The following WDPCP variants were observed in gnomAD, a reference collection of about 807,000 sequenced individuals.
The protein encoded by WDPCP is WD repeat-containing and planar cell polarity effector protein fritz homolog.
In WDPCP, 71 loss-of-function variants were observed where a neutral mutation model predicts 93.1. The ratio of observed to expected loss-of-function variants is 0.76; its 90% CI spans 0.63 to 0.93. The LOEUF is 0.93. WDPCP is among the 40% of genes least tolerant of loss of function. The pLI, the probability that WDPCP is intolerant of heterozygous loss-of-function variation, is 0.00. For missense variants in WDPCP, 844 were observed against 887.4 expected (o/e 0.95, Z 0.62); for synonymous variants, 315 against 315.0 (o/e 1.00, Z 0.00).
intron 1 of WDPCP, among the ~76,000 whole-genome samples, chr2:63,539,234 C>T (rs1704532442): frequency 6.6e-6 from 1 of 152,174 alleles, no homozygotes; most frequent in African/African-American, 2.4e-5. Context: ...TGAAAAACTG[C>T]ATTATCTCAT....
At chr2:63,368,062 A>C (rs1691056645) in intron 12 of WDPCP, among the ~76,000 whole-genome samples, 1 of 152,304 alleles carries the variant, frequency 6.6e-6, no homozygotes, top group South Asian at 2.1e-4. Flanking sequence ...TTTTCAATAA[A>C]ATGTAATGAG....
At chr2:63,721,744 A>T (rs1434406589) in intron 2 of WDPCP, among the ~76,000 whole-genome samples, 1 of 20,378 alleles carries the variant, frequency 4.9e-5, no homozygotes, top group Non-Finnish European at 9.3e-5. Flanking sequence ...CCCTCTCCCC[A>T]CGGTCTCCCT....
intron 7 of WDPCP, among the ~76,000 whole-genome samples, chr2:63,438,969 G>C (rs893582167): frequency 6.6e-6 from 1 of 151,968 alleles, no homozygotes; most frequent in Non-Finnish European, 1.5e-5. Flanking sequence ...AAGGAAAATG[G>C]GCTTCACAGC....
intron 12 of WDPCP, among the ~76,000 whole-genome samples, chr2:63,373,580 TAA>T (rs1273256109): frequency 7.4e-6 from 1 of 135,826 alleles, no homozygotes. Flanking sequence ...TAGATGTCTT[TAA>T]AAAAAAAAAA....
At chr2:63,292,937 T>C (rs1207487294) in intron 13 of WDPCP, among the ~76,000 whole-genome samples, 1 of 152,216 alleles carries the variant, frequency 6.6e-6, no homozygotes, top group African/African-American at 2.4e-5. Flanking sequence ...CCCAGCTGTA[T>C]GGTGGGCAAC....
chr2:63,824,065 T>A (rs1671073030), intron 1 of WDPCP, among the ~76,000 whole-genome samples: 1 of 152,096 alleles, frequency 6.6e-6, no homozygotes, highest in African/African-American at 2.4e-5. Flanking sequence ...ATCCCCTTAA[T>A]TCTCACATGT....
chr2:63,710,478 G>A (rs1669245637), intron 2 of WDPCP, among the ~76,000 whole-genome samples: 1 of 152,180 alleles, frequency 6.6e-6, no homozygotes, highest in Non-Finnish European at 1.5e-5. Flanking sequence ...CTCGGGCCTT[G>A]TAAACAGTGC....
At chr2:63,289,516 T>G (rs955002723) in intron 13 of WDPCP, among the ~76,000 whole-genome samples, 26 of 152,194 alleles carry the variant, frequency 1.7e-4, no homozygotes, top group African/African-American at 5.1e-4. Flanking sequence ...GTAATTGACT[T>G]GTAATTTAAT....
the WDPCP span, among the ~76,000 whole-genome samples, chr2:63,839,297 C>G: frequency 1.4e-4 from 22 of 152,284 alleles, no homozygotes; most frequent in East Asian, 4.2e-3. Flanking sequence ...CGGTGGCTCA[C>G]GCCTGTAATC....
At chr2:63,283,271 G>A (rs1014157245) in intron 13 of WDPCP, among the ~76,000 whole-genome samples, 7 of 152,132 alleles carry the variant, frequency 4.6e-5, no homozygotes, top group African/African-American at 1.4e-4. Flanking sequence ...TCAAAGGCCT[G>A]GGCTCAAGCA....
chr2:63,188,573 A>G (rs558129431), intron 14 of WDPCP, among the ~76,000 whole-genome samples: 36 of 151,922 alleles, frequency 2.4e-4, no homozygotes, highest in African/African-American at 8.4e-4. Flanking sequence ...AGCTCAAGCA[A>G]TCCTCCCTTC....
rs551705114 is a variant in WDPCP, at chr2:63,533,772, C to T, written c.76-40832G>A. Among the ~76,000 whole-genome samples, 7 of 152,044 alleles carry T rather than the reference C, an allele frequency of 4.6e-5. No homozygotes were observed. The South Asian group carries it at 8.3e-4, about 18-fold the overall frequency. ...AGAGAAAGCAGCAGAGATCTAAAAT[C>T]GACACCCTAACATCACATTTAAAAG... On this transcript the variant is annotated intron_variant, in intron 1 of 17. Coordinates refer to ENST00000272321, the MANE Select transcript of WDPCP (RefSeq NM_015910.7).
intron 14 of WDPCP, among the ~76,000 whole-genome samples, chr2:63,216,867 T>C (rs1677399092): frequency 6.6e-6 from 1 of 152,180 alleles, no homozygotes; most frequent in Non-Finnish European, 1.5e-5. Flanking sequence ...TACTAAGGAC[T>C]ACTATAATGA....
At chr2:63,453,185 AT>A (rs1269827011) in intron 6 of WDPCP, among the ~76,000 whole-genome samples, 2 of 152,220 alleles carry the variant, frequency 1.3e-5, no homozygotes, top group African/African-American at 4.8e-5. Flanking sequence ...AATTTTTGCA[AT>A]CTACTCATAT....
chr2:63,609,093 G>A (rs551250205), intron 3 of WDPCP, among the ~76,000 whole-genome samples: 7 of 152,154 alleles, frequency 4.6e-5, no homozygotes, highest in South Asian at 2.1e-4. Flanking sequence ...TGGGCCAGGC[G>A]CGGTGGCTCA....
chr2:63,172,133 A>G (rs192279527), intron 15 of WDPCP, among the ~76,000 whole-genome samples: 12 of 152,298 alleles, frequency 7.9e-5, no homozygotes, highest in Admixed American at 7.8e-4. Context: ...AGCTTTATAA[A>G]TTTACCAAAT....
chr2:63,576,720 C>T (rs1708141393), intron 1 of WDPCP, among the ~76,000 whole-genome samples: 1 of 152,180 alleles, frequency 6.6e-6, no homozygotes, highest in South Asian at 2.1e-4. Context: ...AACCAGCCCC[C>T]CAATCCTGAG....
At chr2:63,266,366 A>G (rs1335020358) in intron 13 of WDPCP, among the ~76,000 whole-genome samples, 2 of 152,210 alleles carry the variant, frequency 1.3e-5, no homozygotes, top group Non-Finnish European at 2.9e-5. Flanking sequence ...ACAAAAACTT[A>G]TCCAAAAAAA....
At chr2:63,728,181 ATTGT>A (rs1171101768) in intron 2 of WDPCP, among the ~76,000 whole-genome samples, 2 of 152,244 alleles carry the variant, frequency 1.3e-5, no homozygotes, top group African/African-American at 4.8e-5. Flanking sequence ...TTAGAGGAAG[ATTGT>A]TTAATACAAG....
Sources: gnomAD v4.1 joint callset for allele counts (sites outside exome capture counted in the v4.1 genomes callset) on GRCh38, gnomAD v4.1.1 for gene constraint, MANE v1.5 for transcripts, NCBI Gene and HGNC (gene_info 2026-07-23, HGNC 2026-07-21) for gene names.